The following NEBL variants were observed in gnomAD, a reference collection of about 807,000 sequenced individuals.
NEBL encodes the protein LIM and SH3 protein 2.
A neutral mutation model predicts 140.2 loss-of-function variants in NEBL; 122 were observed. That is an observed-to-expected ratio of 0.87 (90% CI 0.75 to 1.01). The LOEUF (loss-of-function observed/expected upper bound fraction) is 1.01, where lower values mean the gene tolerates loss of function less well. Among genes scored for constraint, NEBL ranks in the 50% least tolerant of loss-of-function variants. NEBL has a pLI of 0.00. For synonymous variants in NEBL, 436 were observed against 398.9 expected, an observed-to-expected ratio of 1.09 and a Z score of -1.11; for missense variants, 1,365 against 1,231.3, an observed-to-expected ratio of 1.11 and a Z score of -1.62.
chr10:21,126,176 A>T (rs1454717651), intron 2 of NEBL: 11 of 1,542,566 alleles, frequency 7.1e-6, no homozygotes, highest in Non-Finnish European at 9.7e-6. Flanking sequence ...CCCCCATAGA[A>T]AGGAAAAAAA....
chr10:20,801,298 C>T (rs1007457404), intron 26 of NEBL, among the ~76,000 whole-genome samples: 6 of 151,876 alleles, frequency 4.0e-5, no homozygotes, highest in African/African-American at 1.2e-4. Context: ...GTGCAACCTC[C>T]ACCTCCTGGG....
rs757137295 is a variant in NEBL, at chr10:20,835,639, T to C, written c.1339-16A>G. The stretch of plus-strand genomic sequence containing the variant: ...TGTATTCTTTCTGCAAAAGACAACA[T>C]TTTACAACATTCAAACACTCAGTGG... On this transcript the variant is annotated splice_polypyrimidine_tract_variant and intron_variant, in intron 13 of 27. Transcript: ENST00000377122. The C allele has an allele frequency of 4.5e-6, 7 of 1,539,760 alleles. No homozygotes were observed. In the East Asian group the frequency reaches 1.6e-4, roughly 35 times the overall value.
At position 21,173,323 on chromosome 10, in the gene NEBL, C is replaced by G. The variant is rs1257909340; in HGVS notation, c.69+442G>C. Among the ~76,000 whole-genome samples the G allele has an allele frequency of 2.6e-5, 4 of 151,898 alleles. No homozygotes were observed. The highest frequency in any genetic ancestry group is 3.9e-4 in the East Asian group (2 of 5,126). ...TATTAATTACTATTTGCCTCTCCCC[C>G]TCGCCGCGGTCACAGGAGGCGCTGC... On this transcript the variant is annotated intron_variant, in intron 1 of 6. Coordinates refer to the NEBL transcript ENST00000417816. The surrounding 1 kb of genome is among the most constrained non-coding windows in gnomAD (Gnocchi z 5.7).
intron 2 of NEBL, among the ~76,000 whole-genome samples, chr10:21,138,022 G>A (rs762539783): frequency 5.9e-5 from 9 of 151,856 alleles, no homozygotes; most frequent in Non-Finnish European, 1.2e-4. Flanking sequence ...AGCATGCTGC[G>A]AATGGTGGGT....
intron 2 of NEBL, among the ~76,000 whole-genome samples, chr10:21,037,353 G>GA (rs966733104): frequency 1.3e-3 from 199 of 151,958 alleles, no homozygotes; most frequent in African/African-American, 4.7e-3. Context: ...TGAGAACCCT[G>GA]AAAACCATTC....
At chr10:21,012,387 T>G (rs1838375264) in intron 3 of NEBL, among the ~76,000 whole-genome samples, 1 of 152,090 alleles carries the variant, frequency 6.6e-6, no homozygotes. Flanking sequence ...AGAGACAGGG[T>G]CTCACTCTGT....
intron 2 of NEBL, among the ~76,000 whole-genome samples, chr10:21,096,012 A>G (rs1434812153): frequency 1.3e-5 from 2 of 152,224 alleles, no homozygotes; most frequent in African/African-American, 2.4e-5. Context: ...TAACATTCGA[A>G]ATGTAACATT....
At chr10:20,872,023 C>T (rs697160) in intron 5 of NEBL, among the ~76,000 whole-genome samples, 33,388 of 151,952 alleles carry the variant, frequency 0.22, 4,082 homozygotes, top group East Asian at 0.41. Context: ...ATATGAAAAC[C>T]GCAGGGGGGA....
chr10:21,210,774 T>G (rs1446131442), intron 3 of NEBL, among the ~76,000 whole-genome samples: 1 of 152,240 alleles, frequency 6.6e-6, no homozygotes, highest in Non-Finnish European at 1.5e-5. Context: ...AGGAGGAACA[T>G]ACGTTAAGAT....
intron 1 of NEBL, among the ~76,000 whole-genome samples, chr10:21,287,099 C>G (rs1843066204): frequency 6.6e-6 from 1 of 152,136 alleles, no homozygotes; most frequent in South Asian, 2.1e-4. Flanking sequence ...AAATCCACAA[C>G]CAGAAGCAAC....
chr10:20,864,679 A>G (rs1844085058), intron 7 of NEBL, among the ~76,000 whole-genome samples: 1 of 152,124 alleles, frequency 6.6e-6, no homozygotes, highest in African/African-American at 2.4e-5. Flanking sequence ...AAATCCCTAA[A>G]TCATTTGCCT....
chr10:20,961,821 G>T, intron 3 of NEBL: 1 of 1,457,872 alleles, frequency 6.9e-7, no homozygotes. Flanking sequence ...GAGGGATCAC[G>T]AATCCCACTC....
chr10:20,871,906 AC>A (rs1440297440), intron 5 of NEBL, among the ~76,000 whole-genome samples: 1 of 152,130 alleles, frequency 6.6e-6, no homozygotes, highest in Non-Finnish European at 1.5e-5. Flanking sequence ...ATCTCATCCT[AC>A]CCTGAGTTAA....
intron 2 of NEBL, among the ~76,000 whole-genome samples, chr10:21,066,555 C>G (rs74993384): frequency 0.011 from 1,621 of 152,192 alleles, 46 homozygotes; most frequent in East Asian, 0.098. Flanking sequence ...TAAAGGAAAA[C>G]AAGACTGATC....
intron 2 of NEBL, chr10:21,029,778 A>G: frequency 1.3e-6 from 1 of 763,664 alleles, no homozygotes; most frequent in Non-Finnish European, 2.4e-6. Flanking sequence ...GATCGCTATG[A>G]TGACCGAGGC....
rs186461863 is a variant in NEBL, at chr10:20,864,510, C to T, written c.684+4154G>A. On this transcript the variant is annotated intron_variant, in intron 7 of 27. Transcript: ENST00000377122. ...CAATTTACAGATAAAAGGTGAGAAT[C>T]CTGCCCATTCACTCTCTGTTCCCAT... Among the ~76,000 whole-genome samples the T allele has an allele frequency of 4.1e-4, 62 of 152,202 alleles. 1 individual carries two copies. Among genetic ancestry groups the T allele is most frequent in the East Asian group, 1.9e-4 (1 of 5,172 alleles).
Position 21,219,860 on chromosome 10 carries a change from G to GTTT in NEBL, n.348+28058_348+28060dup, listed in dbSNP as rs11333216. Among the ~76,000 whole-genome samples, 81 of 128,948 alleles carry GTTT rather than the reference G, an allele frequency of 6.3e-4. 1 individual carries two copies. Among genetic ancestry groups the GTTT allele is most frequent in the African/African-American group, 2.1e-3 (75 of 34,920 alleles). The allele number at this position is 128,948 out of a possible 152,430, so 84.6% of individuals were successfully genotyped here. On this transcript the variant is annotated intron_variant and non_coding_transcript_variant, in intron 3 of 8. Coordinates refer to the NEBL transcript ENST00000675702. ...ATTGTAAATGAGATTATTTTCTTGG[G>GTTT]TTTTTTTTTTTTTTTGGAAAGTTCA... is the stretch of plus-strand genomic sequence containing the variant.
At chr10:21,010,711 T>C (rs1340266333) in intron 3 of NEBL, among the ~76,000 whole-genome samples, 3 of 152,102 alleles carry the variant, frequency 2.0e-5, no homozygotes, top group East Asian at 3.8e-4. Flanking sequence ...ACTTGAAAAA[T>C]ATCTACTGAG....
At chr10:21,150,273 G>A (rs1406388041) in intron 2 of NEBL, among the ~76,000 whole-genome samples, 5 of 152,158 alleles carry the variant, frequency 3.3e-5, no homozygotes, top group Admixed American at 6.5e-5. Context: ...TATATCGAAC[G>A]GTTGGAAGCT....
Sources: allele counts gnomAD v4.1 joint callset (sites outside exome capture counted in the v4.1 genomes callset), GRCh38; gene constraint gnomAD v4.1.1; non-coding constraint Gnocchi (gnomAD v3.1); transcripts MANE v1.5; gene names NCBI Gene and HGNC (gene_info 2026-07-23, HGNC 2026-07-21).